Variants in CDH13 observed in about 807,000 individuals in gnomAD.
CDH13 encodes cadherin 13.
A neutral mutation model predicts 63.8 loss-of-function variants in CDH13; 24 were observed. That is an observed-to-expected ratio of 0.38 (90% CI 0.27 to 0.53). CDH13 has a LOEUF of 0.53. Ranked by LOEUF, CDH13 falls within the 20% of genes least tolerant of loss-of-function variation. The pLI is 0.85. For synonymous variants in CDH13, 503 were observed against 355.3 expected, an observed-to-expected ratio of 1.42 and a Z score of -4.67; for missense variants, 1,049 against 903.1, an observed-to-expected ratio of 1.16 and a Z score of -2.07.
chr16:83,212,438 T>A (rs2039366595), intron 4 of CDH13, among the ~76,000 whole-genome samples: 1 of 152,166 alleles, frequency 6.6e-6, no homozygotes, highest in African/African-American at 2.4e-5. Flanking sequence ...ACTTTCATGC[T>A]TTCCTCGCCA....
At chr16:82,813,604 C>G (rs1017700778) in intron 1 of CDH13, among the ~76,000 whole-genome samples, 2 of 152,118 alleles carry the variant, frequency 1.3e-5, no homozygotes, top group African/African-American at 2.4e-5. Flanking sequence ...CTTGTGGCCA[C>G]TCGCTGTGTG....
At chr16:82,848,569 A>ATT (rs1367116394) in intron 1 of CDH13, among the ~76,000 whole-genome samples, 2 of 121,408 alleles carry the variant, frequency 1.6e-5, no homozygotes, top group Admixed American at 9.6e-5. Flanking sequence ...TACTATTGTG[A>ATT]TTTTTTTTTT....
intron 1 of CDH13, among the ~76,000 whole-genome samples, chr16:82,732,058 C>G (rs895915204): frequency 3.9e-5 from 6 of 152,096 alleles, no homozygotes; most frequent in Non-Finnish European, 8.8e-5. Context: ...CCTTCAGTAC[C>G]AAATGAGTTC....
intron 7 of CDH13, among the ~76,000 whole-genome samples, chr16:83,531,456 A>T (rs1024922540): frequency 2.0e-5 from 3 of 152,328 alleles, no homozygotes; most frequent in Non-Finnish European, 2.9e-5. Context: ...TAAGTCAAGG[A>T]TCTTGAGATG....
At position 83,333,418 on chromosome 16, in the gene CDH13, G is replaced by A. The variant is rs151070912; in HGVS notation, c.637-11444G>A. 7.2e-5 allele frequency among the ~76,000 whole-genome samples: 11 copies of A among 152,220 alleles called. 1 individual carries two copies. Among genetic ancestry groups the A allele is most frequent in the Middle Eastern group, 3.4e-3 (1 of 294 alleles). ...GGAGCGGGGGTGGTCCTATGGGGAT[G>A]ATTGGCACCTCTCTCAGATTGCCCA... On this transcript the variant is annotated intron_variant, in intron 5 of 13. Transcript: ENST00000567109.
At chr16:83,721,939 G>A (rs1909750562) in intron 10 of CDH13, 2 of 152,314 alleles carry the variant, frequency 1.3e-5, no homozygotes, top group African/African-American at 4.8e-5. Flanking sequence ...ATTGGATGAG[G>A]AAGTACAGGC....
intron 11 of CDH13, among the ~76,000 whole-genome samples, chr16:83,771,411 G>C (rs1039752297): frequency 1.3e-5 from 2 of 152,186 alleles, no homozygotes; most frequent in African/African-American, 4.8e-5. Flanking sequence ...TCCTATCGTG[G>C]TCATATAATG....
At chr16:83,680,691 A>G (rs191728535) in intron 10 of CDH13, among the ~76,000 whole-genome samples, 9 of 152,270 alleles carry the variant, frequency 5.9e-5, no homozygotes, top group Non-Finnish European at 1.0e-4. Flanking sequence ...GAACGCAGAA[A>G]GTTCTGAGGA....
At chr16:83,612,012 A>G (rs559661490) in intron 8 of CDH13, among the ~76,000 whole-genome samples, 2 of 152,042 alleles carry the variant, frequency 1.3e-5, no homozygotes, top group Non-Finnish European at 2.9e-5. Flanking sequence ...ATCGTGATCT[A>G]TATACATCAG....
At chr16:82,875,876 G>A (rs747570663) in intron 2 of CDH13, among the ~76,000 whole-genome samples, 3 of 152,190 alleles carry the variant, frequency 2.0e-5, no homozygotes, top group East Asian at 1.9e-4. Context: ...AGACATACCC[G>A]AGACTGGGCA....
intron 2 of CDH13, among the ~76,000 whole-genome samples, chr16:82,944,469 G>T (rs1188703828): frequency 6.6e-6 from 1 of 152,170 alleles, no homozygotes; most frequent in East Asian, 1.9e-4. Flanking sequence ...TTCTAGACTG[G>T]AGTGAGGGTC....
chr16:82,737,824 A>C (rs557862522), intron 1 of CDH13, among the ~76,000 whole-genome samples: 5 of 152,316 alleles, frequency 3.3e-5, no homozygotes, highest in Non-Finnish European at 7.3e-5. Context: ...CCTACAAAAA[A>C]TTGCTCCGGT....
chr16:82,761,790 G>A (rs943379025), intron 1 of CDH13, among the ~76,000 whole-genome samples: 5 of 152,168 alleles, frequency 3.3e-5, no homozygotes, highest in African/African-American at 1.2e-4. Flanking sequence ...TCAAAGCTGT[G>A]AGATTTGAAG....
intron 6 of CDH13, among the ~76,000 whole-genome samples, chr16:83,363,403 G>A (rs80149860): frequency 0.084 from 12,771 of 152,266 alleles, 738 homozygotes; most frequent in Non-Finnish European, 0.13. Context: ...TGCATTGTGG[G>A]CTAGGGAGGA....
At chr16:82,864,987 C>T (rs576349516) in intron 2 of CDH13, among the ~76,000 whole-genome samples, 11 of 152,286 alleles carry the variant, frequency 7.2e-5, no homozygotes, top group South Asian at 4.1e-4. Context: ...ACAGGCCCCA[C>T]GCAAGTCCAA....
chr16:83,132,793 G>A (rs1344508993), intron 4 of CDH13, among the ~76,000 whole-genome samples: 1 of 152,118 alleles, frequency 6.6e-6, no homozygotes, highest in African/African-American at 2.4e-5. Flanking sequence ...TAGAGTATAG[G>A]AGAAAAATTG....
rs186857278 is a variant in CDH13, at chr16:83,081,108, C to G, written c.367-44277C>G. Among the ~76,000 whole-genome samples, 158 of 151,616 alleles carry G rather than the reference C, an allele frequency of 1.0e-3. 1 individual carries two copies. Among genetic ancestry groups the G allele is most frequent in the South Asian group, 4.4e-3 (21 of 4,774 alleles). On this transcript the variant is annotated intron_variant, in intron 3 of 13. Transcript: ENST00000567109. Reference sequence around the variant, plus strand: ...GTTGGTCAGGCTGGTCTCGAACTCCCGACGTCAGGTGATCTGCCCACCTCA... The same window carrying G: ...GTTGGTCAGGCTGGTCTCGAACTCCGGACGTCAGGTGATCTGCCCACCTCA...
intron 7 of CDH13, among the ~76,000 whole-genome samples, chr16:83,514,544 C>G (rs995378138): frequency 6.6e-6 from 1 of 152,134 alleles, no homozygotes; most frequent in Non-Finnish European, 1.5e-5. Flanking sequence ...ACTCAGGAGG[C>G]TGAGGCATGG....
At chr16:82,931,020 G>C (rs1292461569) in intron 2 of CDH13, among the ~76,000 whole-genome samples, 2 of 152,214 alleles carry the variant, frequency 1.3e-5, no homozygotes, top group Non-Finnish European at 2.9e-5. Context: ...TTACTGAAGA[G>C]GTTGAACCCT....
Sources: gnomAD v4.1 joint callset for allele counts (sites outside exome capture counted in the v4.1 genomes callset) on GRCh38, gnomAD v4.1.1 for gene constraint, MANE v1.5 for transcripts, NCBI Gene and HGNC (gene_info 2026-07-23, HGNC 2026-07-21) for gene names.